Variants in ADK observed in about 807,000 individuals in gnomAD.
ADK encodes N6,N6-dimethyladenosine kinase.
In ADK, 24 loss-of-function variants were observed where a neutral mutation model predicts 44.7. That is an observed-to-expected ratio of 0.54 (90% CI 0.39 to 0.76). The LOEUF (loss-of-function observed/expected upper bound fraction) is 0.76. ADK is among the 30% of genes least tolerant of loss of function. The pLI, the probability that ADK is intolerant of heterozygous loss-of-function variation, is 0.00. For missense variants in ADK, 321 were observed against 425.1 expected, an observed-to-expected ratio of 0.76 and a Z score of 2.15; for synonymous variants, 128 against 142.6, an observed-to-expected ratio of 0.90 and a Z score of 0.73.
chr10:74,225,297 C>G (rs1000513754), intron 3 of ADK, among the ~76,000 whole-genome samples: 1 of 152,142 alleles, frequency 6.6e-6, no homozygotes, highest in African/African-American at 2.4e-5. Flanking sequence ...AGGCTGGTCT[C>G]AGACTCCTGA....
At chr10:74,441,466 A>G (rs1321297409) in intron 6 of ADK, among the ~76,000 whole-genome samples, 2 of 152,248 alleles carry the variant, frequency 1.3e-5, no homozygotes, top group East Asian at 1.9e-4. Context: ...AGCATTAATT[A>G]TAATAGTCAA....
intron 6 of ADK, among the ~76,000 whole-genome samples, chr10:74,505,059 G>A (rs138992081): frequency 1.1e-3 from 174 of 152,254 alleles, no homozygotes; most frequent in African/African-American, 4.1e-3. Context: ...GTGGGGAAGA[G>A]CTGGTCTTCC....
At chr10:74,644,085 T>TA (rs1378846905) in intron 9 of ADK, among the ~76,000 whole-genome samples, 1 of 152,232 alleles carries the variant, frequency 6.6e-6, no homozygotes, top group Non-Finnish European at 1.5e-5. Flanking sequence ...GTCCAGATGT[T>TA]CTAATTCTTG....
chr10:74,685,044 G>T (rs1855740437), intron 10 of ADK, among the ~76,000 whole-genome samples: 1 of 152,022 alleles, frequency 6.6e-6, no homozygotes, highest in South Asian at 2.1e-4. Flanking sequence ...TAGCTACTGA[G>T]CTTCATGAAA....
intron 4 of ADK, among the ~76,000 whole-genome samples, chr10:74,378,262 C>G (rs1206244261): frequency 6.6e-6 from 1 of 151,558 alleles, no homozygotes; most frequent in Admixed American, 6.6e-5. Context: ...GATTCTGTTT[C>G]AAAAAAAGAA....
chr10:74,708,192 C>A, intron 10 of ADK, 129 bp from the exon 11 acceptor site: 2 of 977,432 alleles, frequency 2.0e-6, no homozygotes, highest in African/African-American at 1.6e-5. Flanking sequence ...CGGTAACGCA[C>A]AAGACTTTCT....
chr10:74,222,574 C>T (rs557606722), intron 2 of ADK, among the ~76,000 whole-genome samples: 14 of 152,180 alleles, frequency 9.2e-5, no homozygotes, highest in East Asian at 5.8e-4. Context: ...TTGTTTATTG[C>T]GGCGCTATTA....
At chr10:74,463,317 C>T (rs2133253767) in intron 6 of ADK, among the ~76,000 whole-genome samples, 1 of 152,216 alleles carries the variant, frequency 6.6e-6, no homozygotes, top group East Asian at 1.9e-4. Flanking sequence ...ATACAACTCA[C>T]CATAATGTAG....
chr10:74,599,268 G>A (rs1159243548), intron 8 of ADK, among the ~76,000 whole-genome samples: 1 of 152,116 alleles, frequency 6.6e-6, no homozygotes, highest in Non-Finnish European at 1.5e-5. Context: ...ATATTATCTG[G>A]AATTTATTAA....
At chr10:74,307,196 T>G (rs1168984300) in intron 3 of ADK, among the ~76,000 whole-genome samples, 1 of 152,232 alleles carries the variant, frequency 6.6e-6, no homozygotes, top group Non-Finnish European at 1.5e-5. Flanking sequence ...TAGTTGCTCT[T>G]TTCTTGTTCT....
At chr10:74,687,130 A>G (rs1452614661) in intron 10 of ADK, among the ~76,000 whole-genome samples, 1 of 151,988 alleles carries the variant, frequency 6.6e-6, no homozygotes, top group Non-Finnish European at 1.5e-5. Flanking sequence ...GTTACATATT[A>G]TAAGAGGGGT....
intron 9 of ADK, among the ~76,000 whole-genome samples, chr10:74,668,679 G>A (rs1855060671): frequency 6.6e-6 from 1 of 152,196 alleles, no homozygotes; most frequent in South Asian, 2.1e-4. Flanking sequence ...AGGTTGCAGT[G>A]AGCTGAGATC....
intron 9 of ADK, among the ~76,000 whole-genome samples, chr10:74,659,131 A>T (rs1264619742): frequency 6.6e-6 from 1 of 152,144 alleles, no homozygotes. Context: ...AGGCAGGAAG[A>T]TCACTTCAGC....
intron 6 of ADK, among the ~76,000 whole-genome samples, chr10:74,403,010 G>A (rs1843773344): frequency 6.6e-6 from 1 of 152,128 alleles, no homozygotes; most frequent in Admixed American, 6.5e-5. Context: ...GTTTGCTGGA[G>A]GTCCACTCCA....
chr10:74,171,766 T>G (rs1295743613), intron 1 of ADK, among the ~76,000 whole-genome samples: 2 of 151,516 alleles, frequency 1.3e-5, no homozygotes, highest in South Asian at 4.2e-4. Context: ...TACTCAGTAC[T>G]CTCTCTCTCA....
intron 7 of ADK, among the ~76,000 whole-genome samples, chr10:74,538,840 C>T (rs983717084): frequency 9.9e-5 from 15 of 152,116 alleles, no homozygotes. Flanking sequence ...TTGAAACCAT[C>T]AATTCTTTAA....
intron 1 of ADK, among the ~76,000 whole-genome samples, chr10:74,164,729 T>A (rs1222750973): frequency 6.6e-6 from 1 of 152,126 alleles, no homozygotes; most frequent in African/African-American, 2.4e-5. Flanking sequence ...AGGACAAGAA[T>A]CTCTTCTTTA....
intron 6 of ADK, among the ~76,000 whole-genome samples, chr10:74,448,191 T>A (rs889471430): frequency 1.3e-5 from 2 of 149,054 alleles, no homozygotes; most frequent in Non-Finnish European, 3.0e-5. Flanking sequence ...AAATAAGAGT[T>A]AGGTTTAATC....
At chr10:74,703,395 T>A (rs1290990360) in intron 10 of ADK, among the ~76,000 whole-genome samples, 2 of 151,878 alleles carry the variant, frequency 1.3e-5, no homozygotes, top group African/African-American at 2.4e-5. Flanking sequence ...GGTAGGAGAA[T>A]CACCTGAGCC....
Sources: gnomAD v4.1 joint callset for allele counts (sites outside exome capture counted in the v4.1 genomes callset) on GRCh38, gnomAD v4.1.1 for gene constraint, MANE v1.5 for transcripts, NCBI Gene and HGNC (gene_info 2026-07-23, HGNC 2026-07-21) for gene names.